The following PTPRQ variants were observed in gnomAD, a reference collection of about 807,000 sequenced individuals.
PTPRQ encodes protein tyrosine phosphatase receptor type Q.
PTPRQ carries 199 observed loss-of-function variants against 246.0 expected under a neutral mutation model. The ratio of observed to expected loss-of-function variants is 0.81; its 90% CI spans 0.72 to 0.91. The LOEUF (loss-of-function observed/expected upper bound fraction) is 0.91, where lower values mean the gene tolerates loss of function less well. Among genes scored for constraint, PTPRQ ranks in the 40% least tolerant of loss-of-function variants. The pLI is 0.00. For missense variants in PTPRQ, 2,624 were observed against 2,528.4 expected (o/e 1.04, Z -0.81); for synonymous variants, 869 against 853.2 (o/e 1.02, Z -0.32).
In PTPRQ at chr12:80,578,341, T is replaced by C. The variant is rs571025926; in HGVS notation, c.4286-9788T>C. The stretch of plus-strand genomic sequence containing the variant: ...GGGTGTTTGGTTTTTAAAATAAATT[T>C]TTTTTCCCATCCCAAAAAATCAGAA... On this transcript the variant is annotated intron_variant, in intron 25 of 44. Coordinates refer to ENST00000644991, the MANE Select transcript of PTPRQ (RefSeq NM_001145026.2). 1.1e-4 allele frequency among the ~76,000 whole-genome samples: 16 copies of C among 151,524 alleles called. 2 individuals are homozygous for C. The highest frequency in any genetic ancestry group is 3.9e-4 in the African/African-American group (16 of 41,310).
chr12:80,631,724 T>C (rs1203315020), intron 33 of PTPRQ, among the ~76,000 whole-genome samples: 1 of 152,216 alleles, frequency 6.6e-6, no homozygotes, highest in Non-Finnish European at 1.5e-5. Context: ...GAGTCAAAGA[T>C]GACTCCAGGG....
chr12:80,587,997 A>G, intron 25 of PTPRQ, 132 bp from the exon 26 acceptor site: 1 of 924,938 alleles, frequency 1.1e-6, no homozygotes, highest in Non-Finnish European at 1.5e-6. Context: ...AAGTGTGGGG[A>G]TAATTAATCT....
At chr12:80,606,669 G>A (rs1443339389) in intron 27 of PTPRQ, among the ~76,000 whole-genome samples, 1 of 150,740 alleles carries the variant, frequency 6.6e-6, no homozygotes, top group African/African-American at 2.4e-5. Flanking sequence ...TGTCTTTGTA[G>A]TATTCCTTAA....
chr12:80,618,925 T>G (rs906442446), intron 30 of PTPRQ, among the ~76,000 whole-genome samples: 1 of 151,362 alleles, frequency 6.6e-6, no homozygotes, highest in Non-Finnish European at 1.5e-5. Context: ...TATGTGAACA[T>G]GGAAAAAAAT....
chr12:80,562,863 A>G (rs1644255801), intron 25 of PTPRQ, among the ~76,000 whole-genome samples: 1 of 152,150 alleles, frequency 6.6e-6, no homozygotes, highest in African/African-American at 2.4e-5. Flanking sequence ...AATAAAATTG[A>G]CAAATCTCTA....
chr12:80,463,731 G>A (rs951259427), intron 6 of PTPRQ, among the ~76,000 whole-genome samples: 7 of 151,508 alleles, frequency 4.6e-5, no homozygotes, highest in Admixed American at 3.3e-4. Context: ...TTAAAGAAAA[G>A]AATTTTCAAT....
chr12:80,573,216 G>A lies in PTPRQ; in HGVS notation c.4286-14913G>A, dbSNP rs538007727. Reference sequence around the variant, plus strand: ...AAAAAATTTTACTTTAGGGCCGGGCGCGGTGGCTCACGCCTGTAATCCCAG... The same window carrying A: ...AAAAAATTTTACTTTAGGGCCGGGCACGGTGGCTCACGCCTGTAATCCCAG... On this transcript the variant is annotated intron_variant, in intron 25 of 44. Transcript: ENST00000644991. Among the ~76,000 whole-genome samples, 216 of 152,234 alleles carry A rather than the reference G, an allele frequency of 1.4e-3. 3 individuals are homozygous for A. The highest frequency in any genetic ancestry group is 3.4e-3 in the Middle Eastern group (1 of 294).
chr12:80,522,380 C>T (rs185791755), intron 17 of PTPRQ, among the ~76,000 whole-genome samples: 7 of 152,206 alleles, frequency 4.6e-5, no homozygotes, highest in African/African-American at 1.7e-4. Flanking sequence ...ATCGACCTGG[C>T]CAGAACTTCC....
chr12:80,588,433 T>C lies in PTPRQ; in HGVS notation c.4590T>C (p.Ser1530=). Residue 1530 remains serine (S), a synonymous_variant, in exon 26 of 45, where the codon TCT becomes TCC. Transcript: ENST00000644991. ...ATGGCAATGCTTCAAACTGGATTTC[T>C]ACAAAAACTCTGCCTGGCCGTGAGT... ...AGYGNASNWI[S]TKTLPGPPDG... 1.3e-6 allele frequency: 2 copies of C among 1,487,064 alleles called. No individual in the cohort carries two copies. Among genetic ancestry groups the C allele is most frequent in the South Asian group, 1.4e-5 (1 of 71,614 alleles). 92.1% of individuals were successfully genotyped at this position (1,487,064 alleles called of 1,614,324 possible).
At chr12:80,662,206 C>G (rs1900655284) in intron 39 of PTPRQ, among the ~76,000 whole-genome samples, 1 of 151,962 alleles carries the variant, frequency 6.6e-6, no homozygotes, top group African/African-American at 2.4e-5. Context: ...CTGACCTTCT[C>G]CATCTCATAT....
rs1234915269 is a variant in PTPRQ, at chr12:80,539,956, A to G, written c.3154+12A>G. On this transcript the variant is annotated intron_variant, in intron 20 of 44. Coordinates refer to ENST00000644991, the MANE Select transcript of PTPRQ (RefSeq NM_001145026.2). The stretch of plus-strand genomic sequence containing the variant: ...CACAGATCAAGACAGTATGTAAACA[A>G]AAAACACTAATCTTTAATATGATTA... 3 of 1,453,060 alleles carry G rather than the reference A, an allele frequency of 2.1e-6. No homozygotes were observed. Among genetic ancestry groups the G allele is most frequent in the South Asian group, 1.5e-5 (1 of 65,310 alleles). 90.0% of individuals were successfully genotyped at this position (1,453,060 alleles called of 1,614,324 possible).
At chr12:80,493,153 G>A in intron 9 of PTPRQ, 122 bp from the exon 10 acceptor site, 1 of 1,139,984 alleles carries the variant, frequency 8.8e-7, no homozygotes, top group South Asian at 2.9e-5. Context: ...AGTGGTCATG[G>A]AAATATGTTA....
chr12:80,477,992 AAGC>A (rs1893880575), intron 8 of PTPRQ, among the ~76,000 whole-genome samples: 1 of 152,248 alleles, frequency 6.6e-6, no homozygotes, highest in South Asian at 2.1e-4. Flanking sequence ...TAGGTAAACA[AAGC>A]AGCCTGGAAG....
intron 43 of PTPRQ, among the ~76,000 whole-genome samples, chr12:80,677,387 T>C (rs1171053490): frequency 6.6e-6 from 1 of 152,196 alleles, no homozygotes; most frequent in Non-Finnish European, 1.5e-5. Context: ...AATTGAATTC[T>C]ATAAACTAGA....
At chr12:80,493,574 A>AC in intron 10 of PTPRQ, 119 bp downstream of exon 10, 1 of 1,317,210 alleles carries the variant, frequency 7.6e-7, no homozygotes, top group Non-Finnish European at 9.8e-7. Flanking sequence ...CTGGAGTCGG[A>AC]TTTTTTTTTA....
intron 3 of PTPRQ, among the ~76,000 whole-genome samples, 200 bp from the exon 4 acceptor site, chr12:80,457,375 T>G (rs1465725773): frequency 6.6e-6 from 1 of 152,138 alleles, no homozygotes; most frequent in Non-Finnish European, 1.5e-5. Flanking sequence ...TCAGCCAGTT[T>G]TCTCATCTAT....
intron 22 of PTPRQ, 39 bp downstream of exon 22, chr12:80,542,403 T>A: frequency 6.6e-7 from 1 of 1,511,410 alleles, no homozygotes; most frequent in Non-Finnish European, 8.8e-7. Context: ...AATTTCACTG[T>A]TGCAGCGCCT....
At position 80,549,623 on chromosome 12, in the gene PTPRQ, A is replaced by G. The variant is rs1255412472; in HGVS notation, c.4174A>G (p.Thr1392Ala). Residue 1392 changes from threonine (T) to alanine (A), a missense_variant, in exon 25 of 45, where the codon ACT becomes GCT. Thr to Ala is a moderately conservative substitution (Grantham distance 58, BLOSUM62 0). Transcript: ENST00000644991. ...AGTTTCTCCCCAAGATCACATGTAC[A>G]CTTTCATAAAGCTTCTTGCCAATAC... is the stretch of plus-strand genomic sequence containing the variant. ...TKVSPQDHMY[T>A]FIKLLANTSY... is the part of the protein sequence containing the mutation. The G allele has an allele frequency of 6.4e-7, 1 of 1,551,248 alleles. No individual in the cohort carries two copies. The highest frequency in any genetic ancestry group is 1.4e-5 in the African/African-American group (1 of 73,142).
intron 6 of PTPRQ, among the ~76,000 whole-genome samples, chr12:80,466,284 G>A: frequency 6.6e-6 from 1 of 152,100 alleles, no homozygotes; most frequent in Non-Finnish European, 1.5e-5. Context: ...AAATACCTAG[G>A]AATCCAACTT....
Sources: gnomAD v4.1 joint callset for allele counts (sites outside exome capture counted in the v4.1 genomes callset) on GRCh38, gnomAD v4.1.1 for gene constraint, MANE v1.5 for transcripts, NCBI Gene and HGNC (gene_info 2026-07-23, HGNC 2026-07-21) for gene names.